TCTN3: variants seen among roughly 807,000 people sequenced by gnomAD.
The protein encoded by TCTN3 is tectonic-3.
In TCTN3, 57 loss-of-function variants were observed where a neutral mutation model predicts 71.3. The observed-to-expected ratio is 0.80, with a 90% CI of 0.65 to 1.00. The LOEUF (loss-of-function observed/expected upper bound fraction) is 1.00. Ranked by LOEUF, TCTN3 falls within the 50% of genes least tolerant of loss-of-function variation. The pLI is 0.00. For synonymous variants in TCTN3, 258 were observed against 267.8 expected (o/e 0.96, Z 0.36); for missense variants, 696 against 719.9 (o/e 0.97, Z 0.38).
At chr10:95,679,962 C>G (rs1212270095) in intron 13 of TCTN3, among the ~76,000 whole-genome samples, 2 of 152,216 alleles carry the variant, frequency 1.3e-5, no homozygotes, top group African/African-American at 4.8e-5. Context: ...AACACCAAGG[C>G]AGATGCTAAA....
At chr10:95,682,572 G>C in intron 12 of TCTN3, 79 bp downstream of exon 12, 1 of 1,485,222 alleles carries the variant, frequency 6.7e-7, no homozygotes, top group Non-Finnish European at 9.1e-7. Context: ...TGGAGACAAG[G>C]CTGGTTTTAA....
At chr10:95,674,831 GA>G (rs1244387500) in intron 13 of TCTN3, among the ~76,000 whole-genome samples, 5 of 151,936 alleles carry the variant, frequency 3.3e-5, no homozygotes, top group Non-Finnish European at 5.9e-5. Context: ...TAGAATGAAT[GA>G]ATGAATGAAT....
At chr10:95,678,493 A>C (rs1248225163) in intron 13 of TCTN3, among the ~76,000 whole-genome samples, 1 of 148,608 alleles carries the variant, frequency 6.7e-6, no homozygotes, top group Admixed American at 6.9e-5. Context: ...AGATCACACC[A>C]CTGTACTCCA....
chr10:95,686,802 T>A (rs2097948726), intron 6 of TCTN3, among the ~76,000 whole-genome samples: 1 of 152,216 alleles, frequency 6.6e-6, no homozygotes, highest in African/African-American at 2.4e-5. Flanking sequence ...GATGGGTGTT[T>A]TCCCCCTTCC....
At chr10:95,692,885 T>G (rs376679762) in intron 3 of TCTN3, 35 bp downstream of exon 3, 4 of 1,501,384 alleles carry the variant, frequency 2.7e-6, no homozygotes, top group Non-Finnish European at 3.7e-6. Flanking sequence ...ACTCCTGTGT[T>G]AGAAAATGAG....
At chr10:95,688,746 T>C (rs1409428909) in intron 3 of TCTN3, among the ~76,000 whole-genome samples, 2 of 152,192 alleles carry the variant, frequency 1.3e-5, no homozygotes, top group Non-Finnish European at 1.5e-5. Flanking sequence ...ATTTCTATGA[T>C]AGCAATGTAT....
At chr10:95,682,617 G>C (rs1344027994) in intron 12 of TCTN3, 34 bp downstream of exon 12, 5 of 1,595,048 alleles carry the variant, frequency 3.1e-6, no homozygotes, top group Non-Finnish European at 4.3e-6. Flanking sequence ...GGGTAAAAAT[G>C]AGTCTTCATC....
rs570566619 is a variant in TCTN3 at position 95,691,359 on chromosome 10, G to C, written c.499+1561C>G. 2.0e-5 allele frequency among the ~76,000 whole-genome samples: 3 copies of C among 152,064 alleles called. No homozygotes were observed. In the South Asian group the frequency reaches 6.3e-4, roughly 32 times the overall value. On this transcript the variant is annotated intron_variant, in intron 3 of 13. Coordinates refer to ENST00000371217, the MANE Select transcript of TCTN3 (RefSeq NM_015631.6). The stretch of plus-strand genomic sequence containing the variant: ...AGTAGAGACAGGGTTTCACCATGTT[G>C]GTTAGGCTGGTCTCAAACTCCTGAC...
intron 7 of TCTN3, 82 bp from the exon 8 acceptor site, chr10:95,685,718 G>T: frequency 8.7e-7 from 1 of 1,150,510 alleles, no homozygotes; most frequent in Non-Finnish European, 1.3e-6. Context: ...ATGCTAAGAT[G>T]AGTATTTTTC....
chr10:95,692,484 C>T (rs566439823), intron 3 of TCTN3, among the ~76,000 whole-genome samples: 112 of 150,540 alleles, frequency 7.4e-4, no homozygotes, highest in African/African-American at 2.7e-3. Flanking sequence ...GCACTCCTGG[C>T]GATAGGTGGA....
chr10:95,672,273 T>C (rs1269986155), intron 13 of TCTN3, among the ~76,000 whole-genome samples: 1 of 148,962 alleles, frequency 6.7e-6, no homozygotes, highest in Non-Finnish European at 1.5e-5. Context: ...TATTCCATTG[T>C]GCGAATATAT....
intron 3 of TCTN3, among the ~76,000 whole-genome samples, chr10:95,689,748 A>G (rs2097951913): frequency 6.6e-6 from 1 of 152,206 alleles, no homozygotes; most frequent in Non-Finnish European, 1.5e-5. Flanking sequence ...GCTTAAAGGT[A>G]TTTAGATTTC....
intron 12 of TCTN3, among the ~76,000 whole-genome samples, chr10:95,681,506 A>G (rs2097942975): frequency 6.6e-6 from 1 of 152,200 alleles, no homozygotes; most frequent in African/African-American, 2.4e-5. Context: ...GTCAAAGAAG[A>G]TGATACGTAA....
chr10:95,685,777 A>T (rs575447070), intron 7 of TCTN3, 141 bp from the exon 8 acceptor site: 3 of 633,364 alleles, frequency 4.7e-6, no homozygotes, highest in Non-Finnish European at 8.3e-6. Flanking sequence ...CCAGCCAACA[A>T]CTTAAATTCA....
intron 13 of TCTN3, among the ~76,000 whole-genome samples, chr10:95,674,752 T>A (rs779641253): frequency 6.6e-6 from 1 of 152,182 alleles, no homozygotes; most frequent in Admixed American, 6.5e-5. Context: ...ATTTCTATTA[T>A]GAATGTTAGA....
chr10:95,676,690 G>A (rs908602636), intron 13 of TCTN3, among the ~76,000 whole-genome samples: 2 of 152,178 alleles, frequency 1.3e-5, no homozygotes, highest in South Asian at 2.1e-4. Flanking sequence ...GAAAAACATT[G>A]CTTTAATACC....
intron 10 of TCTN3, 156 bp downstream of exon 10, chr10:95,683,366 T>G: frequency 1.3e-6 from 2 of 1,511,680 alleles, no homozygotes; most frequent in Non-Finnish European, 1.8e-6. Flanking sequence ...GAGAGACAAC[T>G]AGATTCCAAA....
intron 13 of TCTN3, among the ~76,000 whole-genome samples, chr10:95,678,533 CAAAAAAA>C (rs71034346): frequency 1.9e-5 from 2 of 103,676 alleles, no homozygotes; most frequent in African/African-American, 3.6e-5. Flanking sequence ...AACACTGTCT[CAAAAAAA>C]AAAAAAAAAA....
Position 95,693,823 on chromosome 10 carries a change from G to A in TCTN3, c.77C>T (p.Ser26Phe). The A allele has an allele frequency of 1.9e-6, 3 of 1,551,754 alleles. No homozygotes were observed. The highest frequency in any genetic ancestry group is 2.6e-6 in the Non-Finnish European group (3 of 1,147,008). ...CGTGGGCACTGCCCCTGATGGGGAG[G>A]AAGAGGGCTGAGGCCGGACGCCATC... ...FPDGVRPQPS[S>F]SPSGAVPTSL... Residue 26 changes from serine (S) to phenylalanine (F), a missense_variant, in exon 1 of 14, where the codon TCC becomes TTC. Physicochemically the swap from Ser to Phe is radical, Grantham distance 155. Transcript: ENST00000371217.
Sources: allele counts gnomAD v4.1 joint callset (sites outside exome capture counted in the v4.1 genomes callset), GRCh38; gene constraint gnomAD v4.1.1; transcripts MANE v1.5; gene names NCBI Gene and HGNC (gene_info 2026-07-23, HGNC 2026-07-21).